Variants in ATP10B observed in about 807,000 individuals in gnomAD.
ATP10B encodes phospholipid-transporting ATPase VB.
Under a neutral mutation model 141.2 loss-of-function variants are expected in ATP10B, and 122 were observed. That is an observed-to-expected ratio of 0.86 (90% CI 0.75 to 1.00). The LOEUF (loss-of-function observed/expected upper bound fraction) is 1.00. ATP10B is among the 50% of genes least tolerant of loss of function. The pLI is 0.00. For synonymous variants in ATP10B, 685 were observed against 692.0 expected (o/e 0.99, Z 0.16); for missense variants, 1,876 against 1,825.3 (o/e 1.03, Z -0.51).
chr5:160,779,039 G>A (rs182857988), intron 2 of ATP10B, among the ~76,000 whole-genome samples: 1 of 152,300 alleles, frequency 6.6e-6, no homozygotes, highest in Admixed American at 6.5e-5. Context: ...AATGATCAGA[G>A]AATTACATAG....
intron 24 of ATP10B, among the ~76,000 whole-genome samples, chr5:160,584,194 G>T (rs1242875937): frequency 6.6e-6 from 1 of 152,234 alleles, no homozygotes; most frequent in Non-Finnish European, 1.5e-5. Flanking sequence ...CTCCTGGTCT[G>T]TGGATTGGGA....
intron 16 of ATP10B, among the ~76,000 whole-genome samples, chr5:160,616,944 G>A (rs1455087737): frequency 1.3e-5 from 2 of 152,194 alleles, no homozygotes; most frequent in Non-Finnish European, 2.9e-5. Flanking sequence ...ACTGCATGAG[G>A]GAGGGCTGAT....
chr5:160,653,728 T>A (rs1239711075), intron 7 of ATP10B, among the ~76,000 whole-genome samples: 2 of 98,970 alleles, frequency 2.0e-5, no homozygotes, highest in African/African-American at 7.2e-5. Context: ...TACATATATA[T>A]TATATATACA....
At chr5:160,876,128 C>G in the ATP10B span, among the ~76,000 whole-genome samples, 35 of 60,970 alleles carry the variant, frequency 5.7e-4, 1 homozygote, top group South Asian at 1.7e-3. Flanking sequence ...TGACCACATA[C>G]TTGGAAGTAA....
At chr5:160,814,234 A>G (rs1219449283) in intron 1 of ATP10B, among the ~76,000 whole-genome samples, 1 of 146,228 alleles carries the variant, frequency 6.8e-6, no homozygotes, top group African/African-American at 2.6e-5. Flanking sequence ...AAAAACCTTC[A>G]AAAAAAAAAT....
the ATP10B span, among the ~76,000 whole-genome samples, chr5:160,891,323 C>A: frequency 6.6e-6 from 1 of 152,168 alleles, no homozygotes; most frequent in Non-Finnish European, 1.5e-5. Flanking sequence ...CTCAGAATCC[C>A]ATCAGTATGT....
chr5:160,762,500 A>G (rs746673230), intron 2 of ATP10B, among the ~76,000 whole-genome samples: 1 of 152,202 alleles, frequency 6.6e-6, no homozygotes, highest in Non-Finnish European at 1.5e-5. Context: ...TTTTTAAAAT[A>G]AACAAATGCT....
chr5:160,604,948 T>A (rs768002380), intron 19 of ATP10B, among the ~76,000 whole-genome samples: 15 of 152,176 alleles, frequency 9.9e-5, no homozygotes, highest in Admixed American at 3.3e-4. Flanking sequence ...CTGTAAAGGG[T>A]CAGGTGGTAA....
intron 3 of ATP10B, among the ~76,000 whole-genome samples, chr5:160,695,795 A>G (rs1268683861): frequency 6.6e-6 from 1 of 152,230 alleles, no homozygotes; most frequent in Non-Finnish European, 1.5e-5. Context: ...CCCTGATATT[A>G]GAATGAATTA....
chr5:160,784,599 T>C (rs1038819215), intron 2 of ATP10B, among the ~76,000 whole-genome samples: 3 of 152,192 alleles, frequency 2.0e-5, no homozygotes, highest in Non-Finnish European at 4.4e-5. Context: ...TTTATAATTA[T>C]GCAAATTGGA....
chr5:160,652,994 AT>A (rs1157597448), intron 7 of ATP10B, among the ~76,000 whole-genome samples: 1 of 61,056 alleles, frequency 1.6e-5, no homozygotes, highest in Non-Finnish European at 3.1e-5. Context: ...ACATATTTAT[AT>A]TTATATATTA....
At chr5:160,729,948 A>ATACT (rs1766621506) in intron 2 of ATP10B, among the ~76,000 whole-genome samples, 1 of 152,182 alleles carries the variant, frequency 6.6e-6, no homozygotes, top group Admixed American at 6.5e-5. Flanking sequence ...CTATGAAGCT[A>ATACT]TACTTGCTTC....
In ATP10B at chr5:160,746,180, C is replaced by T. The variant is rs555158141; in HGVS notation, c.-330-29146G>A. Among the ~76,000 whole-genome samples the T allele has an allele frequency of 1.4e-4, 21 of 152,256 alleles. No individual in the cohort carries two copies. The South Asian group carries it at 3.5e-3, about 26-fold the overall frequency. Reference sequence around the variant, plus strand: ...CCACTCTACTGCTGTCTTTCTTACCCACTAGATGCTATCTCTCTCACATCC... The same window carrying T: ...CCACTCTACTGCTGTCTTTCTTACCTACTAGATGCTATCTCTCTCACATCC... On this transcript the variant is annotated intron_variant, in intron 2 of 25. Transcript: ENST00000327245.
chr5:160,764,555 G>C (rs4566830), intron 2 of ATP10B, among the ~76,000 whole-genome samples: 38,963 of 151,874 alleles, frequency 0.26, 5,989 homozygotes, highest in East Asian at 0.42. Flanking sequence ...GCATAGAAGG[G>C]ACATACCTTA....
intron 3 of ATP10B, among the ~76,000 whole-genome samples, chr5:160,693,384 A>G (rs941543531): frequency 1.3e-5 from 2 of 148,528 alleles, no homozygotes; most frequent in Admixed American, 6.8e-5. Flanking sequence ...AAAGGGCAAG[A>G]TGTTTCCATG....
At chr5:160,896,700 C>T in the ATP10B span, among the ~76,000 whole-genome samples, 4 of 152,134 alleles carry the variant, frequency 2.6e-5, no homozygotes, top group Non-Finnish European at 4.4e-5. Context: ...TTTTATGAGG[C>T]CAGTATCATC....
chr5:160,632,122 G>C lies in ATP10B; in HGVS notation c.1620+7C>G, dbSNP rs376522726. ...CTTACAGTTCAAAGGCAAAAGTCAG[G>C]ACTTACTATGGAGCTGCTGAAGGCC... On this transcript the variant is annotated splice_region_variant and intron_variant, in intron 13 of 25. Transcript: ENST00000327245. The C allele has an allele frequency of 5.1e-5, 82 of 1,608,016 alleles. No individual in the cohort carries two copies. The African/African-American group carries it at 1.0e-3, about 20-fold the overall frequency.
At chr5:160,603,077 C>A (rs1757181558) in intron 20 of ATP10B, 2 of 176,276 alleles carry the variant, frequency 1.1e-5, no homozygotes, top group Non-Finnish European at 2.4e-5. Context: ...CTTTCACCAC[C>A]CCCTGAGTCA....
At position 160,598,604 on chromosome 5, in the gene ATP10B, C is replaced by T. The variant is rs1006699101; in HGVS notation, c.3564+166G>A. ...AACACCCTCAATAGCAAGTAAGAAA[C>T]GGGTCAGGAAAGGAGAGAGGAGTTA... is the stretch of plus-strand genomic sequence containing the variant. On this transcript the variant is annotated intron_variant, in intron 22 of 25. Coordinates refer to ENST00000327245, the MANE Select transcript of ATP10B (RefSeq NM_025153.3). 1.4e-4 allele frequency among the ~76,000 whole-genome samples: 22 copies of T among 151,986 alleles called. No homozygotes were observed. In the East Asian group the frequency reaches 1.7e-3, roughly 12 times the overall value.
Sources: allele counts gnomAD v4.1 joint callset (sites outside exome capture counted in the v4.1 genomes callset), GRCh38; gene constraint gnomAD v4.1.1; transcripts MANE v1.5; gene names NCBI Gene and HGNC (gene_info 2026-07-23, HGNC 2026-07-21).